MROH2B: variants seen among roughly 807,000 people sequenced by gnomAD.
MROH2B encodes maestro heat like repeat family member 2B, also known as maestro heat-like repeat-containing protein family member 2B.
MROH2B carries 177 observed loss-of-function variants against 208.6 expected under a neutral mutation model. The ratio of observed to expected loss-of-function variants is 0.85; its 90% CI spans 0.75 to 0.96. The LOEUF is 0.96. Ranked by LOEUF, MROH2B falls within the 40% of genes least tolerant of loss-of-function variation. MROH2B has a pLI of 0.00. For synonymous variants in MROH2B, 728 were observed against 659.0 expected, an observed-to-expected ratio of 1.10 and a Z score of -1.60; for missense variants, 2,002 against 1,878.7, an observed-to-expected ratio of 1.07 and a Z score of -1.21.
At chr5:41,056,964 C>T in intron 9 of MROH2B, 145 bp downstream of exon 9, 1 of 824,728 alleles carries the variant, frequency 1.2e-6, no homozygotes, top group Non-Finnish European at 1.9e-6. Context: ...GAGGGGCAGG[C>T]ACAGAAAACT....
intron 30 of MROH2B, 26 bp from the exon 31 acceptor site, chr5:41,010,105 C>G (rs1235168753): frequency 6.2e-7 from 1 of 1,607,322 alleles, no homozygotes; most frequent in Non-Finnish European, 8.5e-7. Flanking sequence ...CCAAGTCAAA[C>G]ATTAAGTTGC....
intron 35 of MROH2B, 100 bp downstream of exon 35, chr5:41,005,431 G>T: frequency 2.7e-5 from 4 of 150,460 alleles, no homozygotes; most frequent in South Asian, 8.4e-5. Flanking sequence ...CCCCCTTGAA[G>T]TCTCTCTTCC....
At chr5:41,046,968 A>G (rs1251626327) in intron 17 of MROH2B, among the ~76,000 whole-genome samples, 1 of 152,172 alleles carries the variant, frequency 6.6e-6, no homozygotes, top group African/African-American at 2.4e-5. Context: ...GAGATTCTGA[A>G]TCTGGAAGGG....
At chr5:41,062,933 G>A (rs1039763223) in intron 5 of MROH2B, among the ~76,000 whole-genome samples, 4 of 152,136 alleles carry the variant, frequency 2.6e-5, no homozygotes, top group Non-Finnish European at 5.9e-5. Flanking sequence ...CTGGTTCATG[G>A]TATGTGAAGC....
chr5:41,051,395 AG>A (rs914815652), intron 12 of MROH2B: 3 of 207,052 alleles, frequency 1.4e-5, no homozygotes, highest in African/African-American at 6.8e-5. Context: ...AATTTTTCAA[AG>A]CATGCTTCTT....
In MROH2B at chr5:41,023,133, C is replaced by T. The variant is rs185485098; in HGVS notation, c.2442-4115G>A. 9.3e-4 allele frequency among the ~76,000 whole-genome samples: 141 copies of T among 152,244 alleles called. No homozygotes were observed. In the East Asian group the frequency reaches 0.015, roughly 17 times the overall value. On this transcript the variant is annotated intron_variant, in intron 24 of 41. Coordinates refer to ENST00000399564, the MANE Select transcript of MROH2B (RefSeq NM_173489.5). ...AAGCTGAAAATTCTAAAAATCAGAG[C>T]GCTCTCCCCCTCCAAAGGAAAGCAG... is the stretch of plus-strand genomic sequence containing the variant.
intron 1 of MROH2B, among the ~76,000 whole-genome samples, chr5:41,070,239 C>T (rs2150185512): frequency 6.6e-6 from 1 of 152,250 alleles, no homozygotes; most frequent in Admixed American, 6.5e-5. Flanking sequence ...CTCTTTTGGT[C>T]ACATGCTAAT....
Position 41,038,778 on chromosome 5 carries a change from A to G in MROH2B, c.2172T>C (p.Asp724=). 1 of 1,613,562 alleles carries G rather than the reference A, an allele frequency of 6.2e-7. No individual in the cohort carries two copies. The highest frequency in any genetic ancestry group is 2.2e-5 in the East Asian group (1 of 44,862). ...KKQLLSRLNQ[D]IISQVLSLHG... ...GAAGAGACAGGACTTGGGATATGAT[A>G]TCTTGATTAAGTCTGGAGAGAAGTT... The change falls in exon 21 of 42, where the codon GAT becomes GAC. Residue 724 remains aspartate, a synonymous_variant. Coordinates refer to ENST00000399564, the MANE Select transcript of MROH2B (RefSeq NM_173489.5).
At chr5:41,021,751 C>A (rs899684266) in intron 24 of MROH2B, among the ~76,000 whole-genome samples, 2 of 152,166 alleles carry the variant, frequency 1.3e-5, no homozygotes, top group East Asian at 3.9e-4. Context: ...GTGGTGCTCA[C>A]CTGTGGTCCC....
chr5:41,005,771 C>T, intron 34 of MROH2B, 126 bp from the exon 35 acceptor site: 3 of 788,710 alleles, frequency 3.8e-6, no homozygotes, highest in Non-Finnish European at 6.1e-6. Context: ...TGGCTCATGC[C>T]TGTAATCCTA....
chr5:41,049,459 C>G (rs753402939), intron 13 of MROH2B, 23 bp from the exon 14 acceptor site: 4 of 1,597,382 alleles, frequency 2.5e-6, no homozygotes, highest in Admixed American at 3.6e-5. Flanking sequence ...GGGCATGATG[C>G]AAGGATTGCT....
intron 18 of MROH2B, 71 bp from the exon 19 acceptor site, chr5:41,042,279 G>C: frequency 1.1e-6 from 1 of 904,430 alleles, no homozygotes; most frequent in Non-Finnish European, 1.7e-6. Context: ...AGTGGAAAGA[G>C]TTAAAATAAT....
chr5:41,008,256 T>C lies in MROH2B; in HGVS notation c.3608+350A>G, dbSNP rs553850889. ...CTGAAGTCTCAGAATTTATGAAATA[T>C]GGTATTTATTTTTATTTTTCTTTTT... On this transcript the variant is annotated intron_variant, in intron 33 of 41. Transcript: ENST00000399564. Among the ~76,000 whole-genome samples, 9 of 152,340 alleles carry C rather than the reference T, an allele frequency of 5.9e-5. No individual in the cohort carries two copies. In the South Asian group the frequency reaches 1.7e-3, roughly 28 times the overall value.
At chr5:41,018,861 C>T in intron 25 of MROH2B, 22 bp downstream of exon 25, 2 of 1,613,800 alleles carry the variant, frequency 1.2e-6, no homozygotes, top group Non-Finnish European at 1.7e-6. Flanking sequence ...TGTCATCCTA[C>T]TTAGGCCTCA....
At position 41,054,820 on chromosome 5, in the gene MROH2B, T is replaced by C; in HGVS notation, c.1054A>G (p.Ile352Val). Residue 352 changes from isoleucine (I) to valine (V), a missense_variant, in exon 11 of 42, where the codon ATC becomes GTC. Ile to Val is a conservative substitution (Grantham distance 29, BLOSUM62 3). Transcript: ENST00000399564. ...TTGACTGTTCTTTCTATTGAAATGA[T>C]GTGATCCCTCAACCTGGGCTCTGAA... ...NADEPRLRDH[I>V]ISIERTVKIV... The C allele has an allele frequency of 6.2e-7, 1 of 1,611,932 alleles. No homozygotes were observed. The highest frequency in any genetic ancestry group is 8.5e-7 in the Non-Finnish European group (1 of 1,178,838).
intron 28 of MROH2B, 88 bp from the exon 29 acceptor site, chr5:41,015,566 T>C (rs1741919444): frequency 8.8e-7 from 1 of 1,136,084 alleles, no homozygotes; most frequent in Non-Finnish European, 1.3e-6. Flanking sequence ...TGACACTAAA[T>C]TAGCTGCTGT....
intron 24 of MROH2B, among the ~76,000 whole-genome samples, chr5:41,026,720 G>T (rs918233609): frequency 6.6e-6 from 1 of 152,102 alleles, no homozygotes; most frequent in Non-Finnish European, 1.5e-5. Context: ...AAAAGGGCCC[G>T]CATTGCCAAG....
Position 41,010,004 on chromosome 5 carries a change from G to A in MROH2B, c.3211C>T (p.Leu1071=), listed in dbSNP as rs748755882. 3.7e-6 allele frequency: 6 copies of A among 1,613,858 alleles called. No homozygotes were observed. Among genetic ancestry groups the A allele is most frequent in the Non-Finnish European group, 4.2e-6 (5 of 1,179,822 alleles). ...RQKEESFQFI[L]EAISQIASFH... is the part of the protein sequence containing the mutation. ...CTGGCTATCTGGGAGATGGCTTCTA[G>A]AATGAACTGAAAACTTTCTTCTTTT... Residue 1071 remains leucine, a synonymous_variant, in exon 31 of 42, where the codon CTA becomes TTA. Transcript: ENST00000399564.
In MROH2B at chr5:41,050,970, C is replaced by A. The variant is rs372222765; in HGVS notation, c.1344+7G>T. The A allele has an allele frequency of 1.8e-5, 28 of 1,556,150 alleles. No individual in the cohort carries two copies. The highest frequency in any genetic ancestry group is 1.7e-4 in the East Asian group (7 of 41,146). ...GTAACTGTAAGTGGTGACAAAAGAC[C>A]ACTTACCTGAGGCATTCCAATGACC... On this transcript the variant is annotated splice_region_variant and intron_variant, in intron 13 of 41. Transcript: ENST00000399564.
Sources: gnomAD v4.1 joint callset for allele counts (sites outside exome capture counted in the v4.1 genomes callset) on GRCh38, gnomAD v4.1.1 for gene constraint, MANE v1.5 for transcripts, NCBI Gene and HGNC (gene_info 2026-07-23, HGNC 2026-07-21) for gene names.